GNA14: variants seen among roughly 807,000 people sequenced by gnomAD.
GNA14 encodes guanine nucleotide-binding protein subunit alpha-14.
GNA14 carries 50 observed loss-of-function variants against 42.0 expected under a neutral mutation model. The observed-to-expected ratio is 1.19, with a 90% confidence interval of 0.95 to 1.51. The LOEUF (loss-of-function observed/expected upper bound fraction) is 1.51, where lower values mean the gene tolerates loss of function less well. Among genes scored for constraint, GNA14 ranks in the 40% most tolerant of loss-of-function variants. The probability of loss-of-function intolerance (pLI) is 0.00; values close to 1 mark genes in which losing one functional copy is unlikely to be tolerated. For missense variants in GNA14, 473 were observed against 446.2 expected, an observed-to-expected ratio of 1.06 and a Z score of -0.54; for synonymous variants, 173 against 163.1, an observed-to-expected ratio of 1.06 and a Z score of -0.46.
chr9:77,519,114 T>C (rs1460623489), intron 2 of GNA14, among the ~76,000 whole-genome samples: 1 of 152,088 alleles, frequency 6.6e-6, no homozygotes, highest in Non-Finnish European at 1.5e-5. Context: ...GGTTTACTGA[T>C]AAAACAAAAA....
intron 1 of GNA14, among the ~76,000 whole-genome samples, chr9:77,576,470 T>G (rs964702793): frequency 2.0e-5 from 3 of 152,206 alleles, no homozygotes; most frequent in African/African-American, 7.2e-5. Context: ...AGGAAAAGCC[T>G]ATTTCAAGAG....
At chr9:77,598,248 CT>C (rs1823498809) in intron 1 of GNA14, among the ~76,000 whole-genome samples, 1 of 152,170 alleles carries the variant, frequency 6.6e-6, no homozygotes, top group South Asian at 2.1e-4. Context: ...TAGTATACTT[CT>C]GAGTGAGCAC....
chr9:77,609,022 T>C (rs374847009), intron 1 of GNA14, among the ~76,000 whole-genome samples: 1 of 152,194 alleles, frequency 6.6e-6, no homozygotes, highest in Non-Finnish European at 1.5e-5. Flanking sequence ...TTCTTTGCAA[T>C]ATGGATAGCC....
At chr9:77,562,034 A>T (rs1822891195) in intron 1 of GNA14, among the ~76,000 whole-genome samples, 1 of 152,226 alleles carries the variant, frequency 6.6e-6, no homozygotes, top group African/African-American at 2.4e-5. Context: ...TCTGAAAGGA[A>T]TATGATAGGT....
At chr9:77,441,131 C>T (rs1160600819) in intron 2 of GNA14, among the ~76,000 whole-genome samples, 1 of 152,188 alleles carries the variant, frequency 6.6e-6, no homozygotes, top group Non-Finnish European at 1.5e-5. Flanking sequence ...TATTTGCTAA[C>T]GTATTGATAT....
intron 4 of GNA14, among the ~76,000 whole-genome samples, chr9:77,429,855 A>G (rs1446185951): frequency 6.6e-6 from 1 of 152,202 alleles, no homozygotes; most frequent in Non-Finnish European, 1.5e-5. Context: ...AGTAACACCA[A>G]GTGAGCCAAA....
intron 2 of GNA14, among the ~76,000 whole-genome samples, chr9:77,525,111 TGTACGTAGA>T (rs1837414638): frequency 6.6e-6 from 1 of 152,242 alleles, no homozygotes; most frequent in Non-Finnish European, 1.5e-5. Flanking sequence ...TTATACATTC[TGTACGTAGA>T]GTTTATAATT....
At chr9:77,578,112 A>G (rs950139657) in intron 1 of GNA14, among the ~76,000 whole-genome samples, 7 of 151,962 alleles carry the variant, frequency 4.6e-5, no homozygotes, top group African/African-American at 1.5e-4. Context: ...CGTCTCTACT[A>G]AAAAAATACA....
At chr9:77,607,642 T>C (rs1248029075) in intron 1 of GNA14, among the ~76,000 whole-genome samples, 1 of 152,218 alleles carries the variant, frequency 6.6e-6, no homozygotes, top group Non-Finnish European at 1.5e-5. Flanking sequence ...TACTTGCTGC[T>C]CTGTATTTGT....
At chr9:77,464,723 C>T (rs954390761) in intron 2 of GNA14, among the ~76,000 whole-genome samples, 1 of 152,150 alleles carries the variant, frequency 6.6e-6, no homozygotes, top group Non-Finnish European at 1.5e-5. Flanking sequence ...GGTTGAATTA[C>T]ATCCCTGCTA....
chr9:77,500,960 C>CT lies in GNA14; in HGVS notation c.309+28108dup, dbSNP rs796216032. On this transcript the variant is annotated intron_variant, in intron 2 of 6. Transcript: ENST00000341700. Reference sequence around the variant, plus strand: ...AGCTGGGTTGTATGGTAGTTGAACTCTTTTTTTTTTTTTGAGACAGAATCT... The same window carrying CT: ...AGCTGGGTTGTATGGTAGTTGAACTCTTTTTTTTTTTTTTGAGACAGAATCT... 4.9e-3 allele frequency among the ~76,000 whole-genome samples: 711 copies of CT among 146,306 alleles called. 1 individual carries two copies. The highest frequency in any genetic ancestry group is 0.011 in the Middle Eastern group (3 of 280).
intron 1 of GNA14, among the ~76,000 whole-genome samples, chr9:77,609,129 G>A (rs1020941609): frequency 3.3e-5 from 5 of 152,086 alleles, no homozygotes; most frequent in Non-Finnish European, 7.4e-5. Context: ...GAAGCAGTCA[G>A]GAAGAACCAA....
intron 2 of GNA14, among the ~76,000 whole-genome samples, chr9:77,488,868 C>A (rs1008027834): frequency 2.2e-5 from 3 of 133,396 alleles, no homozygotes; most frequent in African/African-American, 8.8e-5. Context: ...TGCAAAGAAA[C>A]AGACATACAT....
At chr9:77,530,799 G>A (rs965606014) in intron 1 of GNA14, among the ~76,000 whole-genome samples, 3 of 152,256 alleles carry the variant, frequency 2.0e-5, no homozygotes, top group Non-Finnish European at 2.9e-5. Context: ...AGATGGGGGA[G>A]TGTCCTCACA....
intron 2 of GNA14, among the ~76,000 whole-genome samples, chr9:77,468,624 G>A (rs1836276806): frequency 6.6e-6 from 1 of 152,214 alleles, no homozygotes; most frequent in Admixed American, 6.5e-5. Context: ...TGGTGTGACT[G>A]TGATCTGATT....
Position 77,591,140 on chromosome 9 carries a change from C to A in GNA14, c.124+56530G>T, listed in dbSNP as rs114734827. ...GCACTGAAATACTGCATTTTCAGGA[C>A]GATCACACGCTGTTTCCGAGTAGAA... On this transcript the variant is annotated intron_variant, in intron 1 of 6. Transcript: ENST00000341700. Among the ~76,000 whole-genome samples, 1,111 of 152,314 alleles carry A rather than the reference C, an allele frequency of 7.3e-3. 17 individuals are homozygous for A. Among genetic ancestry groups the A allele is most frequent in the African/African-American group, 0.025 (1,021 of 41,566 alleles).
intron 1 of GNA14, among the ~76,000 whole-genome samples, chr9:77,618,403 G>T (rs1450368393): frequency 6.6e-6 from 1 of 151,376 alleles, no homozygotes; most frequent in Non-Finnish European, 1.5e-5. Flanking sequence ...TTTTAGTGAT[G>T]ATCCATTGCT....
chr9:77,579,909 C>T (rs1823190072), intron 1 of GNA14, among the ~76,000 whole-genome samples: 1 of 152,208 alleles, frequency 6.6e-6, no homozygotes, highest in Non-Finnish European at 1.5e-5. Flanking sequence ...CTCTTGGGAG[C>T]ACACTTGAAT....
Position 77,433,907 on chromosome 9 carries a change from G to A in GNA14, c.464+461C>T, listed in dbSNP as rs115855050. 6.1e-3 allele frequency among the ~76,000 whole-genome samples: 927 copies of A among 152,250 alleles called. 8 individuals are homozygous for A. The highest frequency in any genetic ancestry group is 0.015 in the African/African-American group (639 of 41,516). ...CAGCAGCTGATGGGTCCACGGCCCC[G>A]CTGCTCTAAACTTGACTTTAGATTT... On this transcript the variant is annotated intron_variant, in intron 3 of 6. Transcript: ENST00000341700.
Sources: gnomAD v4.1 joint callset for allele counts (sites outside exome capture counted in the v4.1 genomes callset) on GRCh38, gnomAD v4.1.1 for gene constraint, MANE v1.5 for transcripts, NCBI Gene and HGNC (gene_info 2026-07-23, HGNC 2026-07-21) for gene names.